Variants in KCNK1 observed in about 807,000 individuals in gnomAD.
KCNK1 encodes the protein potassium two pore domain channel subfamily K member 1.
In KCNK1, 10 loss-of-function variants were observed where a neutral mutation model predicts 22.2. That is an observed-to-expected ratio of 0.45 (90% CI 0.28 to 0.76). The LOEUF is 0.76. Ranked by LOEUF, KCNK1 falls within the 30% of genes least tolerant of loss-of-function variation. The pLI is 0.14. For synonymous variants in KCNK1, 200 were observed against 186.4 expected, an observed-to-expected ratio of 1.07 and a Z score of -0.60; for missense variants, 378 against 421.0, an observed-to-expected ratio of 0.90 and a Z score of 0.89.
At chr1:233,666,523 A>C in intron 1 of KCNK1, 72 bp from the exon 2 acceptor site, 2 of 1,426,326 alleles carry the variant, frequency 1.4e-6, no homozygotes, top group Non-Finnish European at 1.9e-6. Context: ...GATGATAGGC[A>C]TATATTGTTT....
intron 1 of KCNK1, among the ~76,000 whole-genome samples, chr1:233,620,372 T>G (rs1657561029): frequency 6.6e-6 from 1 of 152,242 alleles, no homozygotes; most frequent in African/African-American, 2.4e-5. Flanking sequence ...GTAAGAAAGT[T>G]CAGCTTCTCA....
intron 1 of KCNK1, among the ~76,000 whole-genome samples, chr1:233,651,691 G>A (rs1658204292): frequency 6.6e-6 from 1 of 152,248 alleles, no homozygotes; most frequent in Admixed American, 6.5e-5. Flanking sequence ...GAATGTCCCA[G>A]ATAGAAAGGT....
chr1:233,651,024 C>T (rs1371669276), intron 1 of KCNK1, among the ~76,000 whole-genome samples: 1 of 152,162 alleles, frequency 6.6e-6, no homozygotes, highest in Non-Finnish European at 1.5e-5. Context: ...GAATTTAGGA[C>T]TACTTTGCTT....
intron 1 of KCNK1, among the ~76,000 whole-genome samples, chr1:233,647,354 G>A (rs1165189624): frequency 1.3e-5 from 2 of 152,206 alleles, no homozygotes; most frequent in Non-Finnish European, 2.9e-5. Context: ...TCATTGCCTA[G>A]TATGTAGTTG....
chr1:233,617,249 G>C (rs1657503062), intron 1 of KCNK1, among the ~76,000 whole-genome samples: 1 of 152,168 alleles, frequency 6.6e-6, no homozygotes, highest in Non-Finnish European at 1.5e-5. Flanking sequence ...ACCCCAGAAT[G>C]TACAAACTTC....
chr1:233,635,482 G>T (rs1407021060), intron 1 of KCNK1, among the ~76,000 whole-genome samples: 1 of 152,146 alleles, frequency 6.6e-6, no homozygotes, highest in Non-Finnish European at 1.5e-5. Context: ...AGTAAAAATG[G>T]AAGCTTTAAG....
intron 1 of KCNK1, among the ~76,000 whole-genome samples, chr1:233,650,255 T>C (rs373250048): frequency 3.9e-5 from 6 of 152,170 alleles, no homozygotes; most frequent in African/African-American, 1.4e-4. Flanking sequence ...GATTTTTCTG[T>C]TGGGGAGTCA....
At chr1:233,668,875 G>A (rs1658545762) in intron 2 of KCNK1, among the ~76,000 whole-genome samples, 1 of 152,194 alleles carries the variant, frequency 6.6e-6, no homozygotes, top group African/African-American at 2.4e-5. Context: ...AAAGTGCTGG[G>A]ATTACAGGCG....
intron 1 of KCNK1, among the ~76,000 whole-genome samples, chr1:233,643,370 A>G (rs75432911): frequency 0.021 from 3,189 of 152,164 alleles, 82 homozygotes; most frequent in African/African-American, 0.067. Flanking sequence ...CAGCTGGTCC[A>G]CTCACTACAC....
chr1:233,632,786 C>A (rs771047681), intron 1 of KCNK1, among the ~76,000 whole-genome samples: 1 of 152,160 alleles, frequency 6.6e-6, no homozygotes, highest in East Asian at 1.9e-4. Flanking sequence ...TGTGCACCTT[C>A]CTGACTGGCA....
intron 1 of KCNK1, among the ~76,000 whole-genome samples, chr1:233,659,334 G>A (rs940069137): frequency 9.3e-5 from 14 of 151,140 alleles, no homozygotes; most frequent in African/African-American, 3.4e-4. Context: ...GCATGGAGCT[G>A]TCATTTCCTA....
rs961413172 is a variant in KCNK1 at position 233,666,192 on chromosome 1, G to A, written c.356-403G>A. Among the ~76,000 whole-genome samples, 31 of 152,310 alleles carry A rather than the reference G, an allele frequency of 2.0e-4. No homozygotes were observed. In the Middle Eastern group the frequency reaches 0.01, roughly 50 times the overall value. ...TTACACACTAATGAGGATGCTTGGG[G>A]AAAGTGAACTGAAGGGGTGGAGGGG... is the stretch of plus-strand genomic sequence containing the variant. On this transcript the variant is annotated intron_variant, in intron 1 of 2. Coordinates refer to ENST00000366621, the MANE Select transcript of KCNK1 (RefSeq NM_002245.4).
intron 1 of KCNK1, among the ~76,000 whole-genome samples, chr1:233,640,760 A>G (rs1260487247): frequency 6.6e-6 from 1 of 152,066 alleles, no homozygotes; most frequent in African/African-American, 2.4e-5. Context: ...ACTGGAGTGC[A>G]GTAGCTCAAT....
intron 1 of KCNK1, among the ~76,000 whole-genome samples, chr1:233,632,287 C>CT (rs377086689): frequency 1.1e-3 from 163 of 152,080 alleles, no homozygotes; most frequent in African/African-American, 3.4e-3. Flanking sequence ...GTTTTCTACT[C>CT]TTTTTTTTCT....
At chr1:233,619,407 T>TTAAC (rs1461015737) in intron 1 of KCNK1, among the ~76,000 whole-genome samples, 1 of 152,140 alleles carries the variant, frequency 6.6e-6, no homozygotes, top group Non-Finnish European at 1.5e-5. Context: ...GAAACTCTAG[T>TTAAC]TAAAGTGTTC....
rs1425497027 is a variant in KCNK1, at chr1:233,634,315, CAACA to C, written c.355+19792_355+19795del. 3.0e-4 allele frequency among the ~76,000 whole-genome samples: 9 copies of C among 29,580 alleles called. No homozygotes were observed. In the Admixed American group the frequency reaches 3.2e-3, roughly 10 times the overall value. 19.4% of individuals were successfully genotyped at this position (29,580 alleles called of 152,430 possible). On this transcript the variant is annotated intron_variant, in intron 1 of 2. Coordinates refer to ENST00000366621, the MANE Select transcript of KCNK1 (RefSeq NM_002245.4). ...AGCTACTCTGTCTCAACAACAACAA[CAACA>C]AAAAAAAAAAAAAAGAAAAAGAAAA... is the stretch of plus-strand genomic sequence containing the variant.
intron 1 of KCNK1, among the ~76,000 whole-genome samples, chr1:233,646,021 T>G (rs1658086355): frequency 6.6e-6 from 1 of 152,124 alleles, no homozygotes; most frequent in Non-Finnish European, 1.5e-5. Context: ...GGGCTGAGGT[T>G]TTCAGGGTGA....
chr1:233,622,940 G>A (rs61824270), intron 1 of KCNK1, among the ~76,000 whole-genome samples: 23,334 of 152,024 alleles, frequency 0.15, 2,229 homozygotes, highest in South Asian at 0.25. Context: ...TGAAATAAAA[G>A]CCTGCCCGCT....
At chr1:233,624,230 T>G (rs550814504) in intron 1 of KCNK1, 5 of 153,408 alleles carry the variant, frequency 3.3e-5, no homozygotes, top group African/African-American at 1.2e-4. Context: ...GGTGGAAGTA[T>G]GCACTGAGGA....
Sources: allele counts gnomAD v4.1 joint callset (sites outside exome capture counted in the v4.1 genomes callset), GRCh38; gene constraint gnomAD v4.1.1; transcripts MANE v1.5; gene names NCBI Gene and HGNC (gene_info 2026-07-23, HGNC 2026-07-21).